The following EIF2B3 variants were observed in gnomAD, a reference collection of about 807,000 sequenced individuals.
The protein encoded by EIF2B3 is eukaryotic translation initiation factor 2B subunit gamma.
EIF2B3 carries 20 observed loss-of-function variants against 54.1 expected under a neutral mutation model. That is an observed-to-expected ratio of 0.37 (90% CI 0.26 to 0.54). EIF2B3 has a LOEUF of 0.54. Among genes scored for constraint, EIF2B3 ranks in the 20% least tolerant of loss-of-function variants. The probability of loss-of-function intolerance (pLI) is 0.86; values close to 1 mark genes in which losing one functional copy is unlikely to be tolerated. For missense variants in EIF2B3, 448 were observed against 547.8 expected (o/e 0.82, Z 1.82); for synonymous variants, 153 against 188.1 (o/e 0.81, Z 1.52).
At chr1:44,856,867 C>T (rs755060728) in intron 11 of EIF2B3, among the ~76,000 whole-genome samples, 40 of 152,140 alleles carry the variant, frequency 2.6e-4, no homozygotes, top group Non-Finnish European at 5.3e-4. Context: ...TGCAGTGGTG[C>T]GATCTCAGCT....
intron 3 of EIF2B3, among the ~76,000 whole-genome samples, chr1:44,948,639 T>A (rs1232458791): frequency 6.6e-6 from 1 of 152,090 alleles, no homozygotes; most frequent in African/African-American, 2.4e-5. Flanking sequence ...AATAAAACAT[T>A]TAAAAACAAG....
intron 5 of EIF2B3, among the ~76,000 whole-genome samples, chr1:44,922,975 A>T (rs1407573050): frequency 6.6e-6 from 1 of 150,460 alleles, no homozygotes; most frequent in East Asian, 2.0e-4. Context: ...CCTCCCAAGT[A>T]GCTGGGACTA....
chr1:44,874,386 T>A, intron 10 of EIF2B3: 1 of 375,458 alleles, frequency 2.7e-6, no homozygotes. Flanking sequence ...CATTTAGAGC[T>A]GTCATTCTTA....
At chr1:44,981,976 A>G (rs1057019684) in intron 1 of EIF2B3, among the ~76,000 whole-genome samples, 4 of 151,690 alleles carry the variant, frequency 2.6e-5, no homozygotes, top group Non-Finnish European at 5.9e-5. Flanking sequence ...GAAAAAAGAA[A>G]ATATTAAAAG....
At chr1:44,952,504 C>A (rs985111819) in intron 3 of EIF2B3, among the ~76,000 whole-genome samples, 1 of 151,708 alleles carries the variant, frequency 6.6e-6, no homozygotes, top group African/African-American at 2.4e-5. Context: ...AATCTATATG[C>A]ATTACATATT....
chr1:44,896,529 G>A (rs1655977289), intron 6 of EIF2B3, among the ~76,000 whole-genome samples: 2 of 152,242 alleles, frequency 1.3e-5, no homozygotes, highest in South Asian at 2.1e-4. Context: ...CCAGATGGTC[G>A]GAGATACCTC....
At chr1:44,858,120 G>A (rs1573679185) in intron 10 of EIF2B3, among the ~76,000 whole-genome samples, 1 of 146,106 alleles carries the variant, frequency 6.8e-6, no homozygotes, top group East Asian at 2.0e-4. Flanking sequence ...CCCTGGGGCT[G>A]GAGTGCAGTG....
chr1:44,881,648 C>G lies in EIF2B3; in HGVS notation c.748G>C (p.Glu250Gln). The change falls in exon 7 of 12, where the codon GAG becomes CAG. Residue 250 changes from glutamate to glutamine, a missense_variant. By Grantham distance (29) the Glu-to-Gln change is conservative (BLOSUM62 2). Coordinates refer to ENST00000360403, the MANE Select transcript of EIF2B3 (RefSeq NM_020365.5). The surrounding 1 kb of genome is among the most constrained non-coding windows in gnomAD (Gnocchi z 4.0). Reference protein sequence around the residue: ...ASSQQGQEEKEEDLKKKELKS... With the variant: ...ASSQQGQEEKQEDLKKKELKS... ...AGCTCCTTTTTCTTTAGATCCTCCT[C>G]TTTTTCTTCTTGTCCCTGTTGTGAG... The G allele has an allele frequency of 6.2e-7, 1 of 1,614,192 alleles. No homozygotes were observed. Among genetic ancestry groups the G allele is most frequent in the Non-Finnish European group, 8.5e-7 (1 of 1,180,026 alleles).
At chr1:44,928,503 T>TG (rs1040236869) in intron 4 of EIF2B3, among the ~76,000 whole-genome samples, 7 of 151,406 alleles carry the variant, frequency 4.6e-5, no homozygotes, top group African/African-American at 1.7e-4. Flanking sequence ...GCGCTTCGTT[T>TG]TTTTTTTTTT....
At chr1:44,948,921 A>T (rs1244784031) in intron 3 of EIF2B3, among the ~76,000 whole-genome samples, 1 of 152,060 alleles carries the variant, frequency 6.6e-6, no homozygotes, top group African/African-American at 2.4e-5. Context: ...AGGCTGGAGT[A>T]AAATGGCACG....
chr1:44,984,771 C>T (rs188660980), intron 1 of EIF2B3, among the ~76,000 whole-genome samples: 15 of 145,740 alleles, frequency 1.0e-4, no homozygotes, highest in Non-Finnish European at 1.9e-4. Context: ...TGTTATTCTA[C>T]GTAAAGCAGA....
intron 5 of EIF2B3, among the ~76,000 whole-genome samples, chr1:44,915,719 T>C (rs922095488): frequency 3.3e-5 from 5 of 152,122 alleles, no homozygotes; most frequent in South Asian, 2.1e-4. Flanking sequence ...TATGTACATA[T>C]ACAAATAGAT....
chr1:44,962,700 C>CCA (rs1472677454), intron 3 of EIF2B3, among the ~76,000 whole-genome samples: 1 of 152,138 alleles, frequency 6.6e-6, no homozygotes, highest in Non-Finnish European at 1.5e-5. Flanking sequence ...CAGGTGTGAG[C>CCA]CACTGTACCT....
At chr1:44,980,252 C>T (rs895627069) in intron 2 of EIF2B3, among the ~76,000 whole-genome samples, 1 of 152,068 alleles carries the variant, frequency 6.6e-6, no homozygotes, top group Non-Finnish European at 1.5e-5. Flanking sequence ...ATCACGAGGT[C>T]CTGAGATCGA....
chr1:44,954,573 T>C (rs1021750491), intron 3 of EIF2B3, among the ~76,000 whole-genome samples: 1 of 152,198 alleles, frequency 6.6e-6, no homozygotes, highest in Non-Finnish European at 1.5e-5. Flanking sequence ...CACATTGATT[T>C]TGTATCCTGA....
At chr1:44,939,736 AT>A (rs1208551072) in intron 4 of EIF2B3, among the ~76,000 whole-genome samples, 15 of 152,272 alleles carry the variant, frequency 9.9e-5, no homozygotes, top group Admixed American at 7.2e-4. Flanking sequence ...TATAAAGTGT[AT>A]TAAAAAGTTT....
chr1:44,985,885 A>G (rs1012088842), intron 1 of EIF2B3, among the ~76,000 whole-genome samples: 60 of 152,308 alleles, frequency 3.9e-4, no homozygotes, highest in African/African-American at 1.4e-3. Context: ...TTGTAAATAG[A>G]TAAGAAAACT....
At chr1:44,852,077 T>C (rs1255202914) in intron 11 of EIF2B3, among the ~76,000 whole-genome samples, 1 of 151,788 alleles carries the variant, frequency 6.6e-6, no homozygotes, top group Non-Finnish European at 1.5e-5. Flanking sequence ...GCCTCCCCAG[T>C]AGCTGGGACT....
chr1:44,984,875 C>T (rs1569903290), intron 1 of EIF2B3, among the ~76,000 whole-genome samples: 2 of 131,260 alleles, frequency 1.5e-5, no homozygotes, highest in East Asian at 2.7e-4. Context: ...GGCGCAATCT[C>T]GGCTCACTGC....
Sources: allele counts gnomAD v4.1 joint callset (sites outside exome capture counted in the v4.1 genomes callset), GRCh38; gene constraint gnomAD v4.1.1; non-coding constraint Gnocchi (gnomAD v3.1); transcripts MANE v1.5; gene names NCBI Gene and HGNC (gene_info 2026-07-23, HGNC 2026-07-21).